The following PAFAH1B1 variants were observed in gnomAD, a reference collection of about 807,000 sequenced individuals.
PAFAH1B1 encodes platelet-activating factor acetylhydrolase IB subunit beta.
In PAFAH1B1, 2 loss-of-function variants were observed where a neutral mutation model predicts 57.5. The observed-to-expected ratio is 0.03, with a 90% CI of 0.01 to 0.11. PAFAH1B1 has a LOEUF of 0.11. Among genes scored for constraint, PAFAH1B1 ranks in the 10% least tolerant of loss-of-function variants. The pLI, the probability that PAFAH1B1 is intolerant of heterozygous loss-of-function variation, is 1.00. For missense variants in PAFAH1B1, 257 were observed against 512.0 expected, an observed-to-expected ratio of 0.50 and a Z score of 4.81; for synonymous variants, 152 against 169.6, an observed-to-expected ratio of 0.90 and a Z score of 0.81.
chr17:2,638,500 T>G (rs1256610021), intron 2 of PAFAH1B1, 180 bp downstream of exon 2: 2 of 573,012 alleles, frequency 3.5e-6, no homozygotes, highest in East Asian at 5.9e-5. Flanking sequence ...TAGCATTATT[T>G]TTAAAATTTA....
At chr17:2,646,697 C>T (rs2068774415) in intron 2 of PAFAH1B1, among the ~76,000 whole-genome samples, 1 of 152,010 alleles carries the variant, frequency 6.6e-6, no homozygotes, top group African/African-American at 2.4e-5. Flanking sequence ...GACCTGGGTG[C>T]TTTTTCTAGG....
chr17:2,652,533 A>T (rs568708505), intron 2 of PAFAH1B1, among the ~76,000 whole-genome samples: 1 of 152,324 alleles, frequency 6.6e-6, no homozygotes, highest in East Asian at 1.9e-4. Flanking sequence ...TTTTGCAGTT[A>T]GTTGAGGTCC....
At chr17:2,651,262 G>C (rs1427657254) in intron 2 of PAFAH1B1, among the ~76,000 whole-genome samples, 1 of 151,952 alleles carries the variant, frequency 6.6e-6, no homozygotes, top group Admixed American at 6.6e-5. Context: ...ACATTCTTTT[G>C]ATTATTGTAG....
At chr17:2,638,634 A>G (rs1213012460) in intron 2 of PAFAH1B1, 3 of 282,792 alleles carry the variant, frequency 1.1e-5, no homozygotes, top group East Asian at 8.7e-5. Flanking sequence ...CAGCCTCCCA[A>G]GTAGCTGGGA....
At chr17:2,595,874 T>TA (rs969671923) in intron 1 of PAFAH1B1, among the ~76,000 whole-genome samples, 2 of 152,150 alleles carry the variant, frequency 1.3e-5, no homozygotes, top group Non-Finnish European at 2.9e-5. Flanking sequence ...CATCCTTTTT[T>TA]AAAAAAATGG....
rs915115615 is a variant in PAFAH1B1, at chr17:2,682,669, A to G, written c.*867A>G. On this transcript the variant is annotated 3_prime_UTR_variant, in exon 11 of 11. Coordinates refer to ENST00000397195, the MANE Select transcript of PAFAH1B1 (RefSeq NM_000430.4). ...TGAGTGTGTCATGGTACAAATCACT[A>G]TTCGTTTTTGGTGTTTTTTAGGGAT... 4.6e-5 allele frequency: 7 copies of G among 152,622 alleles called. No individual in the cohort carries two copies. Among genetic ancestry groups the G allele is most frequent in the African/African-American group, 1.7e-4 (7 of 41,444 alleles). The allele number at this position is 152,622 out of a possible 1,614,324, so 9.5% of individuals were successfully genotyped here. A position where few individuals can be genotyped will look rare whatever the true frequency, so the allele number is the denominator to read the frequency against.
chr17:2,627,708 T>C (rs2068509737), intron 1 of PAFAH1B1, among the ~76,000 whole-genome samples: 1 of 152,224 alleles, frequency 6.6e-6, no homozygotes, highest in African/African-American at 2.4e-5. Context: ...ATTCTACCCA[T>C]CCATGAGCAT....
intron 1 of PAFAH1B1, among the ~76,000 whole-genome samples, chr17:2,625,860 C>T (rs2068482721): frequency 6.6e-6 from 1 of 152,054 alleles, no homozygotes; most frequent in Non-Finnish European, 1.5e-5. Flanking sequence ...ATCTCTTGAG[C>T]CTAGGAGTTA....
chr17:2,614,624 G>A (rs1334330944), intron 1 of PAFAH1B1, among the ~76,000 whole-genome samples: 1 of 152,020 alleles, frequency 6.6e-6, no homozygotes, highest in Non-Finnish European at 1.5e-5. Context: ...GCCTAGGCGG[G>A]AGTGCAGTGG....
At chr17:2,672,530 A>C in intron 6 of PAFAH1B1, 125 bp from the exon 7 acceptor site, 2 of 696,962 alleles carry the variant, frequency 2.9e-6, no homozygotes, top group East Asian at 5.4e-5. Context: ...ATTTGTATAA[A>C]ATCCAGTGTA....
At chr17:2,675,523 C>T (rs1483907491) in intron 8 of PAFAH1B1, among the ~76,000 whole-genome samples, 1 of 151,516 alleles carries the variant, frequency 6.6e-6, no homozygotes, top group Non-Finnish European at 1.5e-5. Context: ...AAATTTGATT[C>T]TGGTGTGGTG....
intron 2 of PAFAH1B1, among the ~76,000 whole-genome samples, chr17:2,650,287 G>A: frequency 6.7e-6 from 1 of 148,970 alleles, no homozygotes; most frequent in African/African-American, 2.6e-5. Flanking sequence ...CGAGGCGGGT[G>A]GATCACTTGA....
intron 2 of PAFAH1B1, among the ~76,000 whole-genome samples, chr17:2,662,931 T>C (rs1418948186): frequency 6.6e-6 from 1 of 151,928 alleles, no homozygotes; most frequent in East Asian, 2.0e-4. Flanking sequence ...CTGACCAACA[T>C]GGAGAAACCC....
At chr17:2,653,326 G>A (rs1313533165) in intron 2 of PAFAH1B1, among the ~76,000 whole-genome samples, 2 of 151,842 alleles carry the variant, frequency 1.3e-5, no homozygotes, top group Non-Finnish European at 2.9e-5. Context: ...TGTAAATGAC[G>A]AGTTAATGGG....
rs1263334186 is a variant in PAFAH1B1, at chr17:2,684,355, CT to C, written c.*2555del. On this transcript the variant is annotated 3_prime_UTR_variant, in exon 11 of 11. Coordinates refer to ENST00000397195, the MANE Select transcript of PAFAH1B1 (RefSeq NM_000430.4). Reference sequence around the variant, plus strand: ...CTCTGTCTGCTGTCTAACCCTGTGCCTTGCCTGGGATAAGGACAATGATGAG... The same window carrying C: ...CTCTGTCTGCTGTCTAACCCTGTGCCTGCCTGGGATAAGGACAATGATGAG... 7.9e-5 allele frequency: 12 copies of C among 152,838 alleles called. No individual in the cohort carries two copies. Among genetic ancestry groups the C allele is most frequent in the African/African-American group, 2.9e-4 (12 of 41,566 alleles). 9.5% of individuals were successfully genotyped at this position (152,838 alleles called of 1,614,324 possible).
intron 1 of PAFAH1B1, among the ~76,000 whole-genome samples, chr17:2,623,735 C>G (rs1252200513): frequency 2.2e-5 from 3 of 133,516 alleles, no homozygotes; most frequent in Non-Finnish European, 5.0e-5. Context: ...TGAAGTGATT[C>G]TCCTGCCTCA....
chr17:2,646,585 G>A (rs1357531199), intron 2 of PAFAH1B1, among the ~76,000 whole-genome samples: 1 of 152,156 alleles, frequency 6.6e-6, no homozygotes, highest in East Asian at 1.9e-4. Flanking sequence ...CTGGGAGGTG[G>A]AGGTTGCAGT....
Position 2,682,500 on chromosome 17 carries a change from G to A in PAFAH1B1, c.*698G>A, listed in dbSNP as rs770277167. The A allele has an allele frequency of 3.9e-5, 6 of 152,508 alleles. No individual in the cohort carries two copies. Among genetic ancestry groups the A allele is most frequent in the Non-Finnish European group, 5.9e-5 (4 of 68,022 alleles). The allele number at this position is 152,508 out of a possible 1,614,324, so 9.4% of individuals were successfully genotyped here. A position where few individuals can be genotyped will look rare whatever the true frequency, so the allele number is the denominator to read the frequency against. On this transcript the variant is annotated 3_prime_UTR_variant, in exon 11 of 11. Transcript: ENST00000397195. ...AATAGCAACTCATTTATTTCATTTT[G>A]GTCTTAATGCTTTGTAAACAGGTCA...
intron 1 of PAFAH1B1, among the ~76,000 whole-genome samples, chr17:2,623,644 T>A (rs897330040): frequency 2.7e-5 from 4 of 147,964 alleles, no homozygotes; most frequent in Non-Finnish European, 4.5e-5. Flanking sequence ...TTTTTTTTTT[T>A]AAAGATGGAG....
Sources: allele counts gnomAD v4.1 joint callset (sites outside exome capture counted in the v4.1 genomes callset), GRCh38; gene constraint gnomAD v4.1.1; transcripts MANE v1.5; gene names NCBI Gene and HGNC (gene_info 2026-07-23, HGNC 2026-07-21).